Variants in KREMEN1 observed in about 807,000 individuals in gnomAD.
KREMEN1 encodes kringle containing transmembrane protein 1.
Under a neutral mutation model 46.5 loss-of-function variants are expected in KREMEN1, and 30 were observed. The ratio of observed to expected loss-of-function variants is 0.65; its 90% CI spans 0.48 to 0.88. The LOEUF (loss-of-function observed/expected upper bound fraction) is 0.88, where lower values mean the gene tolerates loss of function less well. KREMEN1 is among the 40% of genes least tolerant of loss of function. KREMEN1 has a pLI of 0.00. For synonymous variants in KREMEN1, 214 were observed against 230.6 expected, an observed-to-expected ratio of 0.93 and a Z score of 0.65; for missense variants, 533 against 596.9, an observed-to-expected ratio of 0.89 and a Z score of 1.11.
At chr22:29,141,913 C>T in intron 8 of KREMEN1, 31 bp from the exon 9 acceptor site, 1 of 1,526,480 alleles carries the variant, frequency 6.6e-7, no homozygotes, top group Non-Finnish European at 8.8e-7. Context: ...TTGTTCTAAT[C>T]TATTGGAAAA....
At chr22:29,165,940 TCC>T (rs2039049483) in intron 9 of KREMEN1, among the ~76,000 whole-genome samples, 1 of 152,134 alleles carries the variant, frequency 6.6e-6, no homozygotes, top group Admixed American at 6.5e-5. Context: ...CTCCTGTCAC[TCC>T]CCATTTTGCC....
chr22:29,082,176 T>G (rs2037665708), intron 1 of KREMEN1, among the ~76,000 whole-genome samples: 1 of 152,202 alleles, frequency 6.6e-6, no homozygotes, highest in Admixed American at 6.5e-5. Context: ...GCCTCCTGCT[T>G]AAAGCAAACT....
chr22:29,073,058 C>A lies in KREMEN1; in HGVS notation c.-73C>A. 1 of 321,920 alleles carries A rather than the reference C, an allele frequency of 3.1e-6. No homozygotes were observed. 19.9% of individuals were successfully genotyped at this position (321,920 alleles called of 1,614,324 possible). On this transcript the variant is annotated 5_prime_UTR_variant, in exon 1 of 9. Coordinates refer to ENST00000400335, the MANE Select transcript of KREMEN1 (RefSeq NM_001039570.3). The surrounding 1 kb of genome is among the most constrained non-coding windows in gnomAD (Gnocchi z 4.4). The stretch of plus-strand genomic sequence containing the variant: ...ACACTCGGGCCCCGCGTCCTGCTCC[C>A]ATGGCCGCCCCCGGCTCCCCGCGCT...
intron 2 of KREMEN1, among the ~76,000 whole-genome samples, chr22:29,097,833 T>C (rs1292231873): frequency 6.6e-6 from 1 of 152,140 alleles, no homozygotes; most frequent in East Asian, 1.9e-4. Flanking sequence ...AATAAGTCTT[T>C]TCAAAACATG....
intron 3 of KREMEN1, among the ~76,000 whole-genome samples, chr22:29,112,689 A>T (rs2038171324): frequency 6.6e-6 from 1 of 152,220 alleles, no homozygotes; most frequent in African/African-American, 2.4e-5. Flanking sequence ...ATAATTTTTT[A>T]AAAATTGAAA....
chr22:29,108,504 T>G (rs1353006612), intron 3 of KREMEN1, among the ~76,000 whole-genome samples: 1 of 152,180 alleles, frequency 6.6e-6, no homozygotes, highest in Non-Finnish European at 1.5e-5. Flanking sequence ...TTTTGAAGAT[T>G]AAATGAATAA....
chr22:29,097,138 T>C (rs1222713566), intron 2 of KREMEN1, among the ~76,000 whole-genome samples: 1 of 152,240 alleles, frequency 6.6e-6, no homozygotes, highest in Non-Finnish European at 1.5e-5. Context: ...TCTGGCCTGA[T>C]AGGGGTTGCT....
intron 3 of KREMEN1, among the ~76,000 whole-genome samples, chr22:29,101,903 A>C (rs1408637614): frequency 2.0e-5 from 3 of 152,254 alleles, no homozygotes; most frequent in South Asian, 2.1e-4. Flanking sequence ...TATACTTTTA[A>C]ACAAGGTAAA....
intron 1 of KREMEN1, among the ~76,000 whole-genome samples, chr22:29,092,217 C>T (rs992415394): frequency 6.6e-6 from 1 of 152,110 alleles, no homozygotes; most frequent in African/African-American, 2.4e-5. Flanking sequence ...GGGAAGTCAA[C>T]AGGACTTGCT....
At chr22:29,162,044 G>T (rs1422047971) in intron 9 of KREMEN1, among the ~76,000 whole-genome samples, 1 of 151,858 alleles carries the variant, frequency 6.6e-6, no homozygotes, top group Non-Finnish European at 1.5e-5. Context: ...CTTGAACCTG[G>T]AGGTGGAGGT....
chr22:29,095,874 TA>T (rs10649506), intron 2 of KREMEN1, among the ~76,000 whole-genome samples: 25 of 145,158 alleles, frequency 1.7e-4, no homozygotes, highest in East Asian at 8.5e-4. Flanking sequence ...AGCTTATTCT[TA>T]AAAAAAAAAA....
At chr22:29,156,393 C>A (rs1011737657) in intron 9 of KREMEN1, among the ~76,000 whole-genome samples, 2 of 152,254 alleles carry the variant, frequency 1.3e-5, no homozygotes, top group African/African-American at 4.8e-5. Flanking sequence ...AAGACTCTTG[C>A]AATTTCTCCC....
chr22:29,165,589 A>G (rs1289466317), intron 9 of KREMEN1, among the ~76,000 whole-genome samples: 3 of 152,146 alleles, frequency 2.0e-5, no homozygotes, highest in Non-Finnish European at 4.4e-5. Flanking sequence ...ATCCTGTTCA[A>G]TAATCACAAC....
At chr22:29,098,745 C>A in intron 2 of KREMEN1, 117 bp from the exon 3 acceptor site, 2 of 752,606 alleles carry the variant, frequency 2.7e-6, no homozygotes, top group South Asian at 1.6e-5. Context: ...GAGATACAGA[C>A]CAACTATTAG....
In KREMEN1 at chr22:29,130,435, A is replaced by G. The variant is rs148917057; in HGVS notation, c.631+5019A>G. ...AGGGAAAAAGTATTTCCAGTTTAAC[A>G]ATGACATGCATTGACTAAAAGATAC... On this transcript the variant is annotated intron_variant, in intron 5 of 8. Transcript: ENST00000400335. Among the ~76,000 whole-genome samples the G allele has an allele frequency of 5.7e-4, 87 of 152,360 alleles. 2 individuals carry two copies. In the East Asian group the frequency reaches 0.014, roughly 25 times the overall value.
In KREMEN1 at chr22:29,125,409, C is replaced by G; in HGVS notation, c.624C>G (p.Leu208=). 2 of 1,614,142 alleles carry G rather than the reference C, an allele frequency of 1.2e-6. No homozygotes were observed. The highest frequency in any genetic ancestry group is 1.1e-5 in the South Asian group (1 of 91,076). ...QPCGGDGRII[L]FDTLVGACGG... The stretch of plus-strand genomic sequence containing the variant: ...GTGGTGGCGATGGCAGGATCATCCT[C>G]TTTGATAGTGAGTATGCCCTGTGCC... Residue 208 remains leucine (L), a synonymous_variant, in exon 5 of 9, where the codon CTC becomes CTG. Transcript: ENST00000400335.
intron 9 of KREMEN1, among the ~76,000 whole-genome samples, chr22:29,152,127 A>G (rs961521273): frequency 3.9e-5 from 6 of 152,152 alleles, no homozygotes; most frequent in African/African-American, 1.4e-4. Flanking sequence ...GTGACAGTGA[A>G]GCAGGAAGGA....
chr22:29,146,677 G>A lies in KREMEN1; in HGVS notation c.*4565G>A. ...CATGTATTTTAAAATATAAGATGAA[G>A]TGTGACGCACTGTATACAATTTAAT... On this transcript the variant is annotated 3_prime_UTR_variant, in exon 9 of 9. Transcript: ENST00000400335. The A allele has an allele frequency of 1.5e-5, 14 of 939,880 alleles. No homozygotes were observed. The highest frequency in any genetic ancestry group is 1.8e-5 in the Non-Finnish European group (14 of 788,224). 58.2% of individuals were successfully genotyped at this position (939,880 alleles called of 1,614,324 possible).
At chr22:29,085,809 A>C (rs1280096415) in intron 1 of KREMEN1, among the ~76,000 whole-genome samples, 1 of 152,108 alleles carries the variant, frequency 6.6e-6, no homozygotes, top group Non-Finnish European at 1.5e-5. Context: ...CATATCTACA[A>C]AAAATTAAAA....
Sources: allele counts gnomAD v4.1 joint callset (sites outside exome capture counted in the v4.1 genomes callset), GRCh38; gene constraint gnomAD v4.1.1; non-coding constraint Gnocchi (gnomAD v3.1); transcripts MANE v1.5; gene names NCBI Gene and HGNC (gene_info 2026-07-23, HGNC 2026-07-21).